The following PRSS3 variants were observed in gnomAD, a reference collection of about 807,000 sequenced individuals.
The protein encoded by PRSS3 is serine protease 3, also known as trypsin-3.
Under a neutral mutation model 20.8 loss-of-function variants are expected in PRSS3, and 14 were observed. That is an observed-to-expected ratio of 0.67 (90% CI 0.44 to 1.05). The LOEUF is 1.05. PRSS3 is among the 50% of genes least tolerant of loss of function. The probability of loss-of-function intolerance (pLI) is 0.00; values close to 1 mark genes in which losing one functional copy is unlikely to be tolerated. For synonymous variants in PRSS3, 91 were observed against 117.6 expected, an observed-to-expected ratio of 0.77 and a Z score of 1.46; for missense variants, 237 against 306.4, an observed-to-expected ratio of 0.77 and a Z score of 1.69.
chr9:33,786,147 G>A (rs1419649461), intron 1 of PRSS3: 5 of 419,566 alleles, frequency 1.2e-5, no homozygotes, highest in East Asian at 5.2e-5. Context: ...AAAGAACTAC[G>A]CTGTAGGAAG....
chr9:33,766,393 GA>G (rs1338807840), intron 1 of PRSS3, among the ~76,000 whole-genome samples: 1 of 151,056 alleles, frequency 6.6e-6, no homozygotes, highest in African/African-American at 2.4e-5. Flanking sequence ...CTAACACGGT[GA>G]AACCCCGTTT....
At chr9:33,786,618 G>T in intron 1 of PRSS3, 1 of 766,280 alleles carries the variant, frequency 1.3e-6, no homozygotes, top group Non-Finnish European at 2.4e-6. Flanking sequence ...CAAGTCGACA[G>T]CCAAGTCACC....
chr9:33,767,401 G>A (rs958597610), intron 1 of PRSS3, among the ~76,000 whole-genome samples: 2 of 152,252 alleles, frequency 1.3e-5, no homozygotes, highest in Admixed American at 6.5e-5. Context: ...ACCTCCAAGT[G>A]TATGTGATGA....
chr9:33,766,782 A>C (rs1275593829), intron 1 of PRSS3, among the ~76,000 whole-genome samples: 1 of 152,090 alleles, frequency 6.6e-6, no homozygotes, highest in Non-Finnish European at 1.5e-5. Flanking sequence ...GGAAATGGGA[A>C]TGACTATCAA....
intron 1 of PRSS3, among the ~76,000 whole-genome samples, chr9:33,779,342 C>T (rs1242134958): frequency 6.6e-6 from 1 of 152,114 alleles, no homozygotes. Context: ...ATCCAAGTAA[C>T]CCGGTAAAAT....
chr9:33,797,860 A>G lies in PRSS3; in HGVS notation c.232A>G (p.Ile78Val), dbSNP rs746954340. Reference protein sequence around the residue: ...RIQVRLGEHNIKVLEGNEQFI... With the variant: ...RIQVRLGEHNVKVLEGNEQFI... The stretch of plus-strand genomic sequence containing the variant: ...CCAGGTGAGACTGGGAGAGCACAAC[A>G]TCAAAGTCCTGGAGGGGAATGAGCA... The change falls in exon 3 of 5, where the codon ATC (isoleucine) becomes GTC (valine). Residue 78 changes from isoleucine (I) to valine (V), a missense_variant. Coordinates refer to ENST00000379405, the MANE Select transcript of PRSS3 (RefSeq NM_002771.4). 27 of 1,614,118 alleles carry G rather than the reference A, an allele frequency of 1.7e-5. No homozygotes were observed. The Middle Eastern group carries it at 8.2e-4, about 49-fold the overall frequency.
At chr9:33,757,650 T>A (rs1823012130) in intron 1 of PRSS3, among the ~76,000 whole-genome samples, 1 of 152,186 alleles carries the variant, frequency 6.6e-6, no homozygotes, top group Non-Finnish European at 1.5e-5. Flanking sequence ...CAACAAAGAC[T>A]GCAAACTCCC....
intron 1 of PRSS3, among the ~76,000 whole-genome samples, chr9:33,789,342 T>G (rs1347302673): frequency 6.6e-6 from 1 of 152,234 alleles, no homozygotes; most frequent in Non-Finnish European, 1.5e-5. Context: ...TAATTCTCAG[T>G]AGATATCTTC....
chr9:33,771,953 C>A (rs1042553629), intron 1 of PRSS3, among the ~76,000 whole-genome samples: 1 of 148,536 alleles, frequency 6.7e-6, no homozygotes, highest in African/African-American at 2.5e-5. Flanking sequence ...CTCACTGTAA[C>A]CTCTGCCTCC....
chr9:33,756,425 G>A (rs772724277), intron 1 of PRSS3, among the ~76,000 whole-genome samples: 8 of 152,052 alleles, frequency 5.3e-5, no homozygotes, highest in Non-Finnish European at 1.0e-4. Context: ...ACTGTCCTAG[G>A]TATTTTATAG....
upstream of PRSS3, among the ~76,000 whole-genome samples, chr9:33,791,374 CG>C (rs1350012715): frequency 1.3e-5 from 2 of 152,152 alleles, no homozygotes; most frequent in African/African-American, 4.8e-5. Flanking sequence ...CTGGCCAAGA[CG>C]ATCTTGAGGA....
chr9:33,755,779 G>A (rs989110126), intron 1 of PRSS3, among the ~76,000 whole-genome samples: 1 of 152,132 alleles, frequency 6.6e-6, no homozygotes, highest in African/African-American at 2.4e-5. Flanking sequence ...AACTCATGGG[G>A]GCCCTCTGAG....
At chr9:33,761,888 A>G (rs1823225001) in intron 1 of PRSS3, among the ~76,000 whole-genome samples, 1 of 151,922 alleles carries the variant, frequency 6.6e-6, no homozygotes. Flanking sequence ...CAAAAAAAAG[A>G]AGAAAAAAAG....
chr9:33,769,842 G>A (rs1823605131), intron 1 of PRSS3, among the ~76,000 whole-genome samples: 1 of 152,226 alleles, frequency 6.6e-6, no homozygotes, highest in South Asian at 2.1e-4. Context: ...CCAGACAACA[G>A]AACACTGAGC....
chr9:33,754,823 A>G (rs1311631508), intron 1 of PRSS3, among the ~76,000 whole-genome samples: 1 of 152,090 alleles, frequency 6.6e-6, no homozygotes, highest in Non-Finnish European at 1.5e-5. Flanking sequence ...CAAGAGCAAA[A>G]CTCCATCTCA....
chr9:33,796,859 G>C, intron 2 of PRSS3, 57 bp downstream of exon 2: 1 of 1,613,656 alleles, frequency 6.2e-7, no homozygotes, highest in Non-Finnish European at 8.5e-7. Flanking sequence ...GGAGAGCTTG[G>C]CTTCAGCCCA....
At chr9:33,761,236 T>G (rs1443671212) in intron 1 of PRSS3, among the ~76,000 whole-genome samples, 1 of 152,252 alleles carries the variant, frequency 6.6e-6, no homozygotes, top group Non-Finnish European at 1.5e-5. Flanking sequence ...CGGTGTATAC[T>G]GTCAGTACTG....
At chr9:33,753,277 TA>T (rs1822780272) in intron 1 of PRSS3, among the ~76,000 whole-genome samples, 1 of 152,208 alleles carries the variant, frequency 6.6e-6, no homozygotes, top group Admixed American at 6.5e-5. Context: ...TTGTTCCATA[TA>T]ATTACAAAAA....
At chr9:33,753,003 C>T (rs1822763817) in intron 1 of PRSS3, among the ~76,000 whole-genome samples, 1 of 152,116 alleles carries the variant, frequency 6.6e-6, no homozygotes, top group Admixed American at 6.5e-5. Context: ...GATTAGAATC[C>T]GTATTTCAAA....
Sources: gnomAD v4.1 joint callset for allele counts (sites outside exome capture counted in the v4.1 genomes callset) on GRCh38, gnomAD v4.1.1 for gene constraint, MANE v1.5 for transcripts, NCBI Gene and HGNC (gene_info 2026-07-23, HGNC 2026-07-21) for gene names.